TBCD: variants seen among roughly 807,000 people sequenced by gnomAD.
The protein encoded by TBCD is tubulin-specific chaperone D.
A neutral mutation model predicts 169.3 loss-of-function variants in TBCD; 105 were observed. The ratio of observed to expected loss-of-function variants is 0.62; its 90% CI spans 0.53 to 0.73. The LOEUF is 0.73. Among genes scored for constraint, TBCD ranks in the 30% least tolerant of loss-of-function variants. The pLI, the probability that TBCD is intolerant of heterozygous loss-of-function variation, is 0.00. For synonymous variants in TBCD, 700 were observed against 643.9 expected, an observed-to-expected ratio of 1.09 and a Z score of -1.32; for missense variants, 1,444 against 1,600.1, an observed-to-expected ratio of 0.90 and a Z score of 1.66.
intron 14 of TBCD, among the ~76,000 whole-genome samples, chr17:82,872,704 T>A (rs2057670769): frequency 6.6e-6 from 1 of 152,276 alleles, no homozygotes; most frequent in Non-Finnish European, 1.5e-5. Flanking sequence ...CTTCCTTACG[T>A]TGATATCTCA....
chr17:82,807,325 C>T (rs2051043969), intron 10 of TBCD, among the ~76,000 whole-genome samples: 2 of 152,146 alleles, frequency 1.3e-5, no homozygotes, highest in Non-Finnish European at 2.9e-5. Flanking sequence ...TGGGTGGGGC[C>T]CTTGATGTTG....
In TBCD at chr17:82,752,176, G is replaced by C. The variant is rs1176256232; in HGVS notation, c.-18G>C. 1 of 1,503,762 alleles carries C rather than the reference G, an allele frequency of 6.6e-7. No individual in the cohort carries two copies. Among genetic ancestry groups the C allele is most frequent in the African/African-American group, 1.5e-5 (1 of 68,616 alleles). The allele number at this position is 1,503,762 out of a possible 1,614,324, so 93.2% of individuals were successfully genotyped here. A position where few individuals can be genotyped will look rare whatever the true frequency, so the allele number is the denominator to read the frequency against. ...CTGCGAACACGTGAGGCGGGGGCGC[G>C]GTCCCCAGGCTGCCGAGATGGCCCT... On this transcript the variant is annotated 5_prime_UTR_variant, in exon 1 of 39. Transcript: ENST00000355528.
chr17:82,889,766 C>A lies in TBCD; in HGVS notation c.1563+69C>A. 1 of 1,579,102 alleles carries A rather than the reference C, an allele frequency of 6.3e-7. No individual in the cohort carries two copies. Among genetic ancestry groups the A allele is most frequent in the Non-Finnish European group, 8.7e-7 (1 of 1,153,296 alleles). Reference sequence around the variant, plus strand: ...GGTTTATAGGTAGGAATCTTGAGAGCTATAACCCTGGTGTCTTCTCGCACT... The same window carrying A: ...GGTTTATAGGTAGGAATCTTGAGAGATATAACCCTGGTGTCTTCTCGCACT... On this transcript the variant is annotated intron_variant, in intron 16 of 38. Coordinates refer to ENST00000355528, the MANE Select transcript of TBCD (RefSeq NM_005993.5). This position sits in a 1 kb window ranked among gnomAD's most constrained non-coding sequence, Gnocchi z 5.3.
intron 7 of TBCD, among the ~76,000 whole-genome samples, chr17:82,785,034 A>G (rs55704851): frequency 9.2e-6 from 1 of 108,300 alleles, no homozygotes; most frequent in East Asian, 2.8e-4. Flanking sequence ...GATCCCACCC[A>G]TCGCAGCGAC....
chr17:82,807,696 C>T, intron 11 of TBCD, 28 bp downstream of exon 11: 1 of 1,437,726 alleles, frequency 7.0e-7, no homozygotes. Flanking sequence ...CAGAAGCACC[C>T]CGGGGGGTGG....
At position 82,770,469 on chromosome 17, in the gene TBCD, C is replaced by T. The variant is rs542221573; in HGVS notation, c.582+1903C>T. 7.9e-5 allele frequency among the ~76,000 whole-genome samples: 12 copies of T among 152,050 alleles called. No homozygotes were observed. The South Asian group carries it at 8.3e-4, about 11-fold the overall frequency. ...ACAACATTAGCTGGGCGTGGTGGCA[C>T]GTGCCTGTAGTCCCAGCTACTCAGG... On this transcript the variant is annotated intron_variant, in intron 5 of 38. Transcript: ENST00000355528.
At position 82,899,539 on chromosome 17, in the gene TBCD, CTG is replaced by C. The variant is rs1334075138; in HGVS notation, c.1650-1109_1650-1108del. On this transcript the variant is annotated intron_variant, in intron 17 of 38. Transcript: ENST00000355528. ...ACTGTTCTGTGGCTATACAATTTTTCTGTGAGTTTGCCTGACATTTAGGTTAT... is the reference window on the plus strand; with the variant it reads ...ACTGTTCTGTGGCTATACAATTTTTCTGAGTTTGCCTGACATTTAGGTTAT... Among the ~76,000 whole-genome samples the C allele has an allele frequency of 2.0e-5, 3 of 152,366 alleles. No individual in the cohort carries two copies. In the East Asian group the frequency reaches 5.8e-4, roughly 29 times the overall value.
intron 5 of TBCD, among the ~76,000 whole-genome samples, chr17:82,771,930 A>AAAAAC (rs1568109466): frequency 6.6e-6 from 1 of 152,136 alleles, no homozygotes; most frequent in Non-Finnish European, 1.5e-5. Context: ...TCTCAAAAAA[A>AAAAAC]AAAAACAAAA....
In TBCD at chr17:82,832,097, G is replaced by A. The variant is rs776475239; in HGVS notation, c.1318+17163G>A. ...TGTCCCAGGCACCTGTGGGTTCCCC[G>A]GGCTTGCAGCTCCAGGTTTTCCTTG... On this transcript the variant is annotated intron_variant, in intron 13 of 38. Coordinates refer to ENST00000355528, the MANE Select transcript of TBCD (RefSeq NM_005993.5). The surrounding 1 kb of genome is among the most constrained non-coding windows in gnomAD (Gnocchi z 4.9). The A allele has an allele frequency of 2.5e-5, 40 of 1,614,170 alleles. No individual in the cohort carries two copies. In the Middle Eastern group the frequency reaches 1.5e-3, roughly 60 times the overall value.
At chr17:82,781,461 C>T in intron 6 of TBCD, 128 bp from the exon 7 acceptor site, 1 of 1,214,974 alleles carries the variant, frequency 8.2e-7, no homozygotes, top group Non-Finnish European at 1.1e-6. Flanking sequence ...CAGTACAGAG[C>T]TGGCATCTTG....
chr17:82,806,872 C>T lies in TBCD; in HGVS notation c.1088-736C>T, dbSNP rs2051004795. Among the ~76,000 whole-genome samples the T allele has an allele frequency of 6.6e-6, 1 of 152,214 alleles. No homozygotes were observed. The highest frequency in any genetic ancestry group is 2.1e-4 in the South Asian group (1 of 4,834). On this transcript the variant is annotated intron_variant, in intron 10 of 38. Transcript: ENST00000355528. The surrounding 1 kb of genome is among the most constrained non-coding windows in gnomAD (Gnocchi z 5.1). Reference sequence around the variant, plus strand: ...CTGGTTGCGTGGTAGGCGCCCGCATCTGTGCTGGGCGGCTCTGAGTCCCGG... The same window carrying T: ...CTGGTTGCGTGGTAGGCGCCCGCATTTGTGCTGGGCGGCTCTGAGTCCCGG...
chr17:82,898,028 T>G (rs1356918889), intron 17 of TBCD, among the ~76,000 whole-genome samples: 4 of 144,802 alleles, frequency 2.8e-5, no homozygotes, highest in African/African-American at 7.9e-5. Context: ...GGTTTTGGTG[T>G]GAGCACACGG....
At chr17:82,907,901 AG>A in intron 21 of TBCD, 80 bp downstream of exon 21, 1 of 1,480,736 alleles carries the variant, frequency 6.8e-7, no homozygotes, top group East Asian at 2.4e-5. Context: ...CTCCCCAGGC[AG>A]GGTCTGCAGT....
At chr17:82,859,812 A>T in intron 13 of TBCD, 1 of 985,432 alleles carries the variant, frequency 1.0e-6, no homozygotes, top group Non-Finnish European at 1.2e-6. Context: ...CATGGCAGTG[A>T]CCCAGAAAGA....
intron 13 of TBCD, among the ~76,000 whole-genome samples, chr17:82,855,103 C>T (rs2056140001): frequency 6.6e-6 from 1 of 152,158 alleles, no homozygotes; most frequent in South Asian, 2.1e-4. Context: ...CTGCTGTCCA[C>T]CTCACGGACC....
intron 12 of TBCD, among the ~76,000 whole-genome samples, chr17:82,812,222 G>A (rs999750439): frequency 2.6e-5 from 4 of 152,160 alleles, no homozygotes; most frequent in African/African-American, 9.7e-5. Flanking sequence ...ACCTGTGCCC[G>A]GGCCCAGCTG....
chr17:82,767,098 C>T (rs1358985952), intron 4 of TBCD, among the ~76,000 whole-genome samples: 3 of 152,226 alleles, frequency 2.0e-5, no homozygotes. Context: ...TGGTGGGAAC[C>T]CTGCTGGTGT....
chr17:82,769,311 T>C (rs1159403704), intron 5 of TBCD, among the ~76,000 whole-genome samples: 2 of 152,198 alleles, frequency 1.3e-5, no homozygotes, highest in Non-Finnish European at 2.9e-5. Flanking sequence ...ACTCTGCTAA[T>C]GAGATGGAAG....
chr17:82,910,981 G>A (rs1205194682), intron 22 of TBCD, among the ~76,000 whole-genome samples: 1 of 152,174 alleles, frequency 6.6e-6, no homozygotes, highest in Non-Finnish European at 1.5e-5. Context: ...CTGCTCCCAA[G>A]AGGTCCCTTG....
Sources: gnomAD v4.1 joint callset for allele counts (sites outside exome capture counted in the v4.1 genomes callset) on GRCh38, gnomAD v4.1.1 for gene constraint, Gnocchi (gnomAD v3.1) non-coding constraint, MANE v1.5 for transcripts, NCBI Gene and HGNC (gene_info 2026-07-23, HGNC 2026-07-21) for gene names.